Variants in CRB1 observed in about 807,000 individuals in gnomAD.
CRB1 encodes the protein protein crumbs homolog 1.
CRB1 carries 83 observed loss-of-function variants against 120.0 expected under a neutral mutation model. That is an observed-to-expected ratio of 0.69 (90% CI 0.58 to 0.83). The LOEUF (loss-of-function observed/expected upper bound fraction) is 0.83. Ranked by LOEUF, CRB1 falls within the 40% of genes least tolerant of loss-of-function variation. CRB1 has a pLI of 0.00. For missense variants in CRB1, 1,699 were observed against 1,687.6 expected, an observed-to-expected ratio of 1.01 and a Z score of -0.12; for synonymous variants, 625 against 612.5, an observed-to-expected ratio of 1.02 and a Z score of -0.30.
At position 197,386,011 on chromosome 1, in the gene CRB1, C is replaced by A. The variant is rs566802909; in HGVS notation, c.1171+28998C>A. On this transcript the variant is annotated intron_variant, in intron 5 of 11. Transcript: ENST00000367400. ...GTTGTTGATCTTTATTCTTCTAAAG[C>A]AATTTGTACAGGAATAAATTCTAAC... Among the ~76,000 whole-genome samples the A allele has an allele frequency of 7.2e-5, 11 of 152,098 alleles. No individual in the cohort carries two copies. In the South Asian group the frequency reaches 2.3e-3, roughly 32 times the overall value.
chr1:197,396,551 A>G (rs923751977), intron 5 of CRB1, among the ~76,000 whole-genome samples: 9 of 152,138 alleles, frequency 5.9e-5, no homozygotes, highest in African/African-American at 2.2e-4. Flanking sequence ...AAGTTGAAGG[A>G]CTCACACTAT....
intron 1 of CRB1, among the ~76,000 whole-genome samples, chr1:197,284,764 G>C (rs145837779): frequency 6.6e-6 from 1 of 151,694 alleles, no homozygotes; most frequent in African/African-American, 2.4e-5. Flanking sequence ...CATTGAATTT[G>C]TTTTTTCAAA....
At chr1:197,453,868 T>A (rs1316066866) in intron 11 of CRB1, among the ~76,000 whole-genome samples, 6 of 138,488 alleles carry the variant, frequency 4.3e-5, no homozygotes, top group Non-Finnish European at 6.2e-5. Flanking sequence ...TATATTAATA[T>A]TATTAATAAT....
chr1:197,222,358 T>A, the CRB1 span: 1 of 755,114 alleles, frequency 1.3e-6, no homozygotes, highest in Non-Finnish European at 2.5e-6. Flanking sequence ...GCATTGTCCA[T>A]GGCCTTCTCT....
chr1:197,388,614 A>T (rs1662340005), intron 5 of CRB1, among the ~76,000 whole-genome samples: 1 of 151,704 alleles, frequency 6.6e-6, no homozygotes, highest in Non-Finnish European at 1.5e-5. Flanking sequence ...AGCCATTCCG[A>T]AAAGAAAAGA....
At chr1:197,271,032 A>C (rs1373399116) in intron 1 of CRB1, among the ~76,000 whole-genome samples, 3 of 152,060 alleles carry the variant, frequency 2.0e-5, no homozygotes, top group Non-Finnish European at 4.4e-5. Flanking sequence ...TCATTTCTAC[A>C]CACAAAAATA....
intron 2 of CRB1, among the ~76,000 whole-genome samples, chr1:197,334,934 G>A (rs911096435): frequency 1.3e-5 from 2 of 152,178 alleles, no homozygotes; most frequent in African/African-American, 4.8e-5. Flanking sequence ...GTATATAGTA[G>A]GTTAGAGGGT....
chr1:197,443,228 A>T (rs915968466), intron 11 of CRB1: 1 of 152,144 alleles, frequency 6.6e-6, no homozygotes, highest in East Asian at 1.9e-4. Context: ...TTTCTCTGAT[A>T]TATGATTAAA....
chr1:197,431,577 A>G (rs1454114406), intron 8 of CRB1, among the ~76,000 whole-genome samples: 1 of 152,206 alleles, frequency 6.6e-6, no homozygotes, highest in Non-Finnish European at 1.5e-5. Context: ...CACAGGAAAA[A>G]TGAATAGGAT....
intron 5 of CRB1, among the ~76,000 whole-genome samples, chr1:197,400,184 A>C (rs533026239): frequency 6.6e-6 from 1 of 152,140 alleles, no homozygotes; most frequent in East Asian, 1.9e-4. Context: ...TGTCCAATGG[A>C]TAAATGAACT....
At chr1:197,355,515 G>A (rs1011968425) in intron 4 of CRB1, among the ~76,000 whole-genome samples, 4 of 152,192 alleles carry the variant, frequency 2.6e-5, no homozygotes, top group Admixed American at 6.5e-5. Context: ...CAGGCATGGC[G>A]GGCTGCAGGT....
At chr1:197,228,977 G>A in the CRB1 span, among the ~76,000 whole-genome samples, 1 of 152,112 alleles carries the variant, frequency 6.6e-6, no homozygotes, top group Non-Finnish European at 1.5e-5. Flanking sequence ...CAGTATGAGG[G>A]AAATTGCCCC....
intron 5 of CRB1, among the ~76,000 whole-genome samples, chr1:197,362,695 TA>T (rs1045010374): frequency 3.9e-5 from 6 of 152,106 alleles, no homozygotes; most frequent in South Asian, 4.1e-4. Context: ...TTCCTGCCTT[TA>T]AAAAAATTAT....
chr1:197,442,726 C>T (rs779028814), intron 11 of CRB1: 49 of 305,840 alleles, frequency 1.6e-4, no homozygotes, highest in Admixed American at 4.3e-4. Context: ...CAATTTCTTC[C>T]CACTCCATTT....
chr1:197,299,598 A>G (rs1656747314), intron 1 of CRB1, among the ~76,000 whole-genome samples: 1 of 152,172 alleles, frequency 6.6e-6, no homozygotes, highest in African/African-American at 2.4e-5. Context: ...CTTGAAAAAT[A>G]AAAGTATTTT....
rs562490410 is a variant in CRB1, at chr1:197,451,419, G to A, written c.4005+9127G>A. On this transcript the variant is annotated intron_variant, in intron 11 of 11. Coordinates refer to ENST00000367400, the MANE Select transcript of CRB1 (RefSeq NM_201253.3). ...GATACTTTGGAGAAAGGGAGGACTG[G>A]GAATGATTCATCTAGATTTTTCAGG... 3.9e-5 allele frequency among the ~76,000 whole-genome samples: 6 copies of A among 152,276 alleles called. No individual in the cohort carries two copies. In the South Asian group the frequency reaches 6.2e-4, roughly 16 times the overall value.
the CRB1 span, among the ~76,000 whole-genome samples, chr1:197,202,620 G>A: frequency 6.6e-6 from 1 of 152,030 alleles, no homozygotes; most frequent in African/African-American, 2.4e-5. Context: ...TAAAACAGAA[G>A]GGCTGATCCA....
intron 2 of CRB1, among the ~76,000 whole-genome samples, chr1:197,341,268 C>T (rs765120909): frequency 1.1e-4 from 17 of 152,126 alleles, no homozygotes; most frequent in Non-Finnish European, 1.3e-4. Flanking sequence ...CTGGGCCAGA[C>T]GCAGTGGCTC....
the CRB1 span, among the ~76,000 whole-genome samples, chr1:197,252,941 T>C: frequency 5.3e-5 from 8 of 151,922 alleles, no homozygotes; most frequent in African/African-American, 1.9e-4. Flanking sequence ...AGATCTTCTT[T>C]ACTCAGATTA....
Sources: gnomAD v4.1 joint callset for allele counts (sites outside exome capture counted in the v4.1 genomes callset) on GRCh38, gnomAD v4.1.1 for gene constraint, MANE v1.5 for transcripts, NCBI Gene and HGNC (gene_info 2026-07-23, HGNC 2026-07-21) for gene names.